The following REC114 variants were observed in gnomAD, a reference collection of about 807,000 sequenced individuals.
REC114 encodes the protein REC114 meiotic recombination protein.
In REC114, 27 loss-of-function variants were observed where a neutral mutation model predicts 31.3. The observed-to-expected ratio is 0.86, with a 90% CI of 0.64 to 1.19. The LOEUF (loss-of-function observed/expected upper bound fraction) is 1.19. Among genes scored for constraint, REC114 ranks in the 50% most tolerant of loss-of-function variants. The pLI, the probability that REC114 is intolerant of heterozygous loss-of-function variation, is 0.00. For missense variants in REC114, 344 were observed against 326.9 expected (o/e 1.05, Z -0.40); for synonymous variants, 134 against 127.7 (o/e 1.05, Z -0.33).
intron 3 of REC114, among the ~76,000 whole-genome samples, chr15:73,549,119 GAC>G (rs1359152042): frequency 6.6e-6 from 1 of 151,984 alleles, no homozygotes. Flanking sequence ...AAACTCCCAT[GAC>G]ACAAGTTTAC....
intron 2 of REC114, among the ~76,000 whole-genome samples, chr15:73,504,226 G>C (rs547636062): frequency 6.6e-6 from 1 of 151,840 alleles, no homozygotes; most frequent in South Asian, 2.1e-4. Flanking sequence ...AGATGGTCTC[G>C]ATCTCTTAAC....
At chr15:73,520,309 G>A (rs891091323) in intron 2 of REC114, among the ~76,000 whole-genome samples, 1 of 151,942 alleles carries the variant, frequency 6.6e-6, no homozygotes, top group Non-Finnish European at 1.5e-5. Flanking sequence ...TTGGCTCACT[G>A]CAACCTCTGC....
intron 5 of REC114, 133 bp downstream of exon 5, chr15:73,556,524 G>C (rs576220896): frequency 2.7e-6 from 2 of 740,662 alleles, no homozygotes; most frequent in African/African-American, 3.6e-5. Flanking sequence ...GATAGAGACA[G>C]AGACGGGCCA....
At chr15:73,508,977 G>T (rs1470752119) in intron 2 of REC114, among the ~76,000 whole-genome samples, 1 of 150,062 alleles carries the variant, frequency 6.7e-6, no homozygotes, top group Non-Finnish European at 1.5e-5. Flanking sequence ...GGATGGCTGG[G>T]TCAAATGGTA....
intron 2 of REC114, among the ~76,000 whole-genome samples, chr15:73,522,377 C>T (rs1054834957): frequency 2.0e-5 from 3 of 152,232 alleles, no homozygotes; most frequent in South Asian, 2.1e-4. Flanking sequence ...TTACATGCAA[C>T]GAAAGGCATC....
At chr15:73,480,158 T>G (rs1421248297) in intron 2 of REC114, among the ~76,000 whole-genome samples, 1 of 152,216 alleles carries the variant, frequency 6.6e-6, no homozygotes, top group Non-Finnish European at 1.5e-5. Flanking sequence ...AATGTCATTG[T>G]GGTATTAATT....
intron 1 of REC114, among the ~76,000 whole-genome samples, chr15:73,471,426 T>C (rs1458131250): frequency 6.6e-6 from 1 of 152,166 alleles, no homozygotes; most frequent in East Asian, 1.9e-4. Context: ...TTTTCTGAGG[T>C]GAAAATGTTG....
intron 2 of REC114, among the ~76,000 whole-genome samples, chr15:73,499,216 A>G (rs1260588169): frequency 6.6e-6 from 1 of 151,888 alleles, no homozygotes; most frequent in Non-Finnish European, 1.5e-5. Flanking sequence ...AGTAATTGCG[A>G]TTTTGCCAGC....
intron 2 of REC114, among the ~76,000 whole-genome samples, chr15:73,538,691 G>A (rs545318318): frequency 2.8e-4 from 42 of 152,006 alleles, no homozygotes; most frequent in African/African-American, 9.9e-4. Context: ...CTCTGACCTC[G>A]TGATCCGCCT....
At chr15:73,491,863 A>G (rs896996141) in intron 2 of REC114, among the ~76,000 whole-genome samples, 1 of 151,966 alleles carries the variant, frequency 6.6e-6, no homozygotes, top group Non-Finnish European at 1.5e-5. Flanking sequence ...TCATGCCGCT[A>G]CACTCCAGCC....
chr15:73,536,093 T>C (rs926703704), intron 2 of REC114, among the ~76,000 whole-genome samples: 9 of 151,888 alleles, frequency 5.9e-5, no homozygotes, highest in South Asian at 4.2e-4. Flanking sequence ...ACCTAGGCAT[T>C]ACCATTCAGG....
chr15:73,494,814 A>G (rs1893496271), intron 2 of REC114, among the ~76,000 whole-genome samples: 1 of 152,202 alleles, frequency 6.6e-6, no homozygotes, highest in African/African-American at 2.4e-5. Flanking sequence ...GCTAAAATGG[A>G]GATCTTTGAC....
intron 3 of REC114, among the ~76,000 whole-genome samples, chr15:73,550,016 T>C (rs560736981): frequency 2.0e-5 from 3 of 152,302 alleles, no homozygotes; most frequent in Middle Eastern, 3.4e-3. Flanking sequence ...CAACATGGTA[T>C]ATATATTTCA....
chr15:73,523,340 G>C (rs897999705), intron 2 of REC114, among the ~76,000 whole-genome samples: 4 of 151,990 alleles, frequency 2.6e-5, no homozygotes, highest in African/African-American at 9.7e-5. Context: ...GGGGAAATGA[G>C]GTACAGAAAT....
intron 2 of REC114, among the ~76,000 whole-genome samples, chr15:73,491,426 G>T (rs1026625883): frequency 6.6e-6 from 1 of 151,848 alleles, no homozygotes; most frequent in African/African-American, 2.4e-5. Context: ...GGATATTTGG[G>T]CTATTTCCAG....
chr15:73,466,411 A>C (rs2151255972), intron 1 of REC114, among the ~76,000 whole-genome samples: 1 of 151,994 alleles, frequency 6.6e-6, no homozygotes, highest in Admixed American at 6.6e-5. Flanking sequence ...AAAATTAGCC[A>C]AGTGTGGTGG....
intron 1 of REC114, among the ~76,000 whole-genome samples, chr15:73,452,141 G>A (rs143253654): frequency 0.01 from 1,583 of 152,082 alleles, 25 homozygotes; most frequent in African/African-American, 0.036. Flanking sequence ...CAGGGCAATC[G>A]GGCAAGAGAA....
At chr15:73,514,189 T>C (rs1047003210) in intron 2 of REC114, among the ~76,000 whole-genome samples, 3 of 151,298 alleles carry the variant, frequency 2.0e-5, no homozygotes, top group African/African-American at 7.3e-5. Flanking sequence ...AATATTCGGG[T>C]GGGAGTGACC....
Position 73,489,360 on chromosome 15 carries a change from C to T in REC114, c.249+15439C>T, listed in dbSNP as rs1429631475. ...CTGGGATTATAGGCAGGTGCAACCA[C>T]GCCCAGATAATTTTTGTATTTTTTT... On this transcript the variant is annotated intron_variant, in intron 2 of 5. Coordinates refer to ENST00000331090, the MANE Select transcript of REC114 (RefSeq NM_001042367.2). Among the ~76,000 whole-genome samples the T allele has an allele frequency of 1.2e-4, 18 of 152,052 alleles. No homozygotes were observed. The East Asian group carries it at 1.5e-3, about 13-fold the overall frequency.
Sources: allele counts gnomAD v4.1 joint callset (sites outside exome capture counted in the v4.1 genomes callset), GRCh38; gene constraint gnomAD v4.1.1; transcripts MANE v1.5; gene names NCBI Gene and HGNC (gene_info 2026-07-23, HGNC 2026-07-21).